The following MBTD1 variants were observed in gnomAD, a reference collection of about 807,000 sequenced individuals.
The protein encoded by MBTD1 is mbt domain containing 1.
In MBTD1, 24 loss-of-function variants were observed where a neutral mutation model predicts 87.8. The ratio of observed to expected loss-of-function variants is 0.27; its 90% CI spans 0.20 to 0.38. MBTD1 has a LOEUF of 0.38. MBTD1 is among the 10% of genes least tolerant of loss of function. The probability of loss-of-function intolerance (pLI) is 1.00; values close to 1 mark genes in which losing one functional copy is unlikely to be tolerated. For missense variants in MBTD1, 436 were observed against 760.2 expected, an observed-to-expected ratio of 0.57 and a Z score of 5.02; for synonymous variants, 237 against 248.6, an observed-to-expected ratio of 0.95 and a Z score of 0.44.
chr17:51,225,086 C>G lies in MBTD1; in HGVS notation c.76G>C (p.Ala26Pro). The change falls in exon 3 of 17, where the codon GCT becomes CCT. Residue 26 changes from alanine (A) to proline (P), a missense_variant. Coordinates refer to ENST00000586178, the MANE Select transcript of MBTD1 (RefSeq NM_017643.3). ...SSSEESEEEV[A>P]PLPSNLPIIK... ...ATCGGGAGATTAGAAGGTAAAGGAG[C>G]GACTTCTTCCTCACTCTCTTCGGAG... is the stretch of plus-strand genomic sequence containing the variant. 3 of 1,551,508 alleles carry G rather than the reference C, an allele frequency of 1.9e-6. No individual in the cohort carries two copies. Among genetic ancestry groups the G allele is most frequent in the Non-Finnish European group, 2.6e-6 (3 of 1,146,812 alleles).
intron 6 of MBTD1, among the ~76,000 whole-genome samples, chr17:51,209,128 A>C (rs929507454): frequency 1.3e-5 from 2 of 152,226 alleles, no homozygotes; most frequent in East Asian, 1.9e-4. Flanking sequence ...AATTTCATAG[A>C]TATGTCTGCC....
intron 12 of MBTD1, among the ~76,000 whole-genome samples, chr17:51,198,460 T>A (rs1349118974): frequency 6.6e-5 from 10 of 152,212 alleles, no homozygotes; most frequent in Non-Finnish European, 1.5e-4. Flanking sequence ...CTAAATTTAC[T>A]ACTCTCAAGC....
chr17:51,237,905 AT>A (rs2053942947), intron 2 of MBTD1, among the ~76,000 whole-genome samples: 1 of 152,238 alleles, frequency 6.6e-6, no homozygotes, highest in Non-Finnish European at 1.5e-5. Flanking sequence ...GATTACACAA[AT>A]TGTGGTACGT....
chr17:51,242,957 G>T (rs1006852402), intron 2 of MBTD1, among the ~76,000 whole-genome samples: 1 of 152,086 alleles, frequency 6.6e-6, no homozygotes, highest in Non-Finnish European at 1.5e-5. Context: ...ACTCCATTGT[G>T]TATGTTTATT....
At chr17:51,202,166 G>T in intron 10 of MBTD1, 89 bp from the exon 11 acceptor site, 2 of 760,190 alleles carry the variant, frequency 2.6e-6, no homozygotes, top group Non-Finnish European at 2.3e-6. Flanking sequence ...CACAAAGTAT[G>T]TCATACTATA....
At chr17:51,260,847 A>T, upstream of MBTD1, 1 of 1,600,654 alleles carries the variant, frequency 6.2e-7, no homozygotes, top group Non-Finnish European at 8.5e-7. Flanking sequence ...CCGGCCGTGG[A>T]GCGGTGCTTG....
chr17:51,213,535 T>C (rs1297004170), intron 6 of MBTD1, among the ~76,000 whole-genome samples: 4 of 151,442 alleles, frequency 2.6e-5, no homozygotes, highest in African/African-American at 9.7e-5. Context: ...GGGGCTTAAT[T>C]AAAAAGCACA....
rs2050163498 is a variant in MBTD1 at position 51,178,028 on chromosome 17, C to T, written c.*2548G>A. On this transcript the variant is annotated 3_prime_UTR_variant, in exon 17 of 17. Transcript: ENST00000586178. ...AGAAGTTGATAACAGCTTTAGCTTT[C>T]CTCATACACGGCAAGGAAAAGGTTA... 6.6e-6 allele frequency: 1 copy of T among 152,164 alleles called. No homozygotes were observed. Among genetic ancestry groups the T allele is most frequent in the Non-Finnish European group, 1.5e-5 (1 of 68,020 alleles). The allele number at this position is 152,164 out of a possible 1,614,324, so 9.4% of individuals were successfully genotyped here.
chr17:51,214,157 A>C (rs1254777297), intron 6 of MBTD1, among the ~76,000 whole-genome samples: 1 of 151,860 alleles, frequency 6.6e-6, no homozygotes, highest in Non-Finnish European at 1.5e-5. Context: ...TGTAGAGACA[A>C]GGTCTTGCTA....
In MBTD1 at chr17:51,179,484, T is replaced by TTATATA. The variant is rs56750454; in HGVS notation, c.*1086_*1091dup. On this transcript the variant is annotated 3_prime_UTR_variant, in exon 17 of 17. Coordinates refer to ENST00000586178, the MANE Select transcript of MBTD1 (RefSeq NM_017643.3). ...ATCCTGAATACAATTAAAGACAATT[T>TTATATA]TATATATATATATATATATATATAT... 1.7e-3 allele frequency: 59 copies of TTATATA among 35,256 alleles called. 1 individual carries two copies. Among genetic ancestry groups the TTATATA allele is most frequent in the Non-Finnish European group, 2.4e-3 (40 of 16,988 alleles). The allele number at this position is 35,256 out of a possible 1,614,324, so 2.2% of individuals were successfully genotyped here.
At chr17:51,260,900 T>G (rs989549726), upstream of MBTD1, 1 of 1,593,740 alleles carries the variant, frequency 6.3e-7, no homozygotes, top group South Asian at 1.1e-5. Context: ...CGAGGACGCG[T>G]TGCTGCGGCG....
chr17:51,256,184 T>C (rs911998006), intron 2 of MBTD1: 3 of 152,232 alleles, frequency 2.0e-5, no homozygotes, highest in Non-Finnish European at 4.4e-5. Flanking sequence ...GCAGCTTACT[T>C]TTTTTAAACA....
chr17:51,248,527 G>A (rs976836722), intron 2 of MBTD1, among the ~76,000 whole-genome samples: 1 of 152,150 alleles, frequency 6.6e-6, no homozygotes, highest in Non-Finnish European at 1.5e-5. Context: ...GCTCCTTCCT[G>A]TCCTTTCCCA....
chr17:51,209,389 C>T, intron 6 of MBTD1: 1 of 471,192 alleles, frequency 2.1e-6, no homozygotes, highest in Non-Finnish European at 4.4e-6. Context: ...CTTCCTGCTC[C>T]AGGGCCACTC....
intron 10 of MBTD1, among the ~76,000 whole-genome samples, 177 bp downstream of exon 10, chr17:51,202,524 A>T (rs961769995): frequency 3.9e-5 from 6 of 152,186 alleles, no homozygotes; most frequent in Non-Finnish European, 7.3e-5. Context: ...GAAGGAATAT[A>T]AAAAAATTTA....
At position 51,179,417 on chromosome 17, in the gene MBTD1, G is replaced by C. The variant is rs2050194621; in HGVS notation, c.*1159C>G. 1 of 138,248 alleles carries C rather than the reference G, an allele frequency of 7.2e-6. No individual in the cohort carries two copies. The highest frequency in any genetic ancestry group is 2.7e-5 in the African/African-American group (1 of 37,692). The allele number at this position is 138,248 out of a possible 1,614,324, so 8.6% of individuals were successfully genotyped here. ...AGGAAGTCATATGAATTTTAAAACAGGGAATGTTCAAAATGGTCCAAATCG... is the reference window on the plus strand; with the variant it reads ...AGGAAGTCATATGAATTTTAAAACACGGAATGTTCAAAATGGTCCAAATCG... On this transcript the variant is annotated 3_prime_UTR_variant, in exon 17 of 17. Coordinates refer to ENST00000586178, the MANE Select transcript of MBTD1 (RefSeq NM_017643.3).
intron 2 of MBTD1, among the ~76,000 whole-genome samples, chr17:51,254,071 A>G (rs186523685): frequency 6.6e-6 from 1 of 152,348 alleles, no homozygotes; most frequent in African/African-American, 2.4e-5. Context: ...AGTGGCTCAC[A>G]TAATTTTCAA....
chr17:51,260,549 C>A, upstream of MBTD1: 1 of 1,589,248 alleles, frequency 6.3e-7, no homozygotes, highest in Non-Finnish European at 8.5e-7. Context: ...CAGCGAGGTT[C>A]CACGTGAGCG....
At chr17:51,223,690 G>T (rs561022039) in intron 3 of MBTD1, among the ~76,000 whole-genome samples, 1 of 152,050 alleles carries the variant, frequency 6.6e-6, no homozygotes, top group Non-Finnish European at 1.5e-5. Flanking sequence ...ATGAAAATAC[G>T]CCAGGCATGG....
Sources: gnomAD v4.1 joint callset for allele counts (sites outside exome capture counted in the v4.1 genomes callset) on GRCh38, gnomAD v4.1.1 for gene constraint, MANE v1.5 for transcripts, NCBI Gene and HGNC (gene_info 2026-07-23, HGNC 2026-07-21) for gene names.